The following SMCO2 variants were observed in gnomAD, a reference collection of about 807,000 sequenced individuals.
SMCO2 encodes the protein single-pass membrane and coiled-coil domain-containing protein 2.
SMCO2 carries 25 observed loss-of-function variants against 29.5 expected under a neutral mutation model. That is an observed-to-expected ratio of 0.85 (90% CI 0.62 to 1.18). The LOEUF (loss-of-function observed/expected upper bound fraction) is 1.18, where lower values mean the gene tolerates loss of function less well. Among genes scored for constraint, SMCO2 ranks in the 50% most tolerant of loss-of-function variants. The probability of loss-of-function intolerance (pLI) is 0.00; values close to 1 mark genes in which losing one functional copy is unlikely to be tolerated. For missense variants in SMCO2, 348 were observed against 344.5 expected, an observed-to-expected ratio of 1.01 and a Z score of -0.08; for synonymous variants, 117 against 123.3, an observed-to-expected ratio of 0.95 and a Z score of 0.34.
chr12:27,444,992 G>A, the SMCO2 span, among the ~76,000 whole-genome samples: 1 of 152,190 alleles, frequency 6.6e-6, no homozygotes, highest in East Asian at 1.9e-4. Flanking sequence ...TATACACAGT[G>A]GAGTATTATT....
chr12:27,468,500 A>G (rs1363013034), intron 1 of SMCO2, among the ~76,000 whole-genome samples: 1 of 152,258 alleles, frequency 6.6e-6, no homozygotes, highest in African/African-American at 2.4e-5. Context: ...CCGTTGCTCT[A>G]GAAAATTCTG....
chr12:27,487,388 C>T (rs961575607), intron 4 of SMCO2, among the ~76,000 whole-genome samples: 9 of 152,148 alleles, frequency 5.9e-5, no homozygotes, highest in Middle Eastern at 3.4e-3. Flanking sequence ...TCCAAATTTT[C>T]GCATGTATTG....
upstream of SMCO2, among the ~76,000 whole-genome samples, chr12:27,465,028 C>CAAAA (rs35630976): frequency 8.2e-3 from 480 of 58,204 alleles, 3 homozygotes; most frequent in African/African-American, 0.022. Context: ...GACCCTGTCT[C>CAAAA]AAAAAAAAAA....
the SMCO2 span, among the ~76,000 whole-genome samples, chr12:27,432,987 T>C: frequency 2.6e-5 from 4 of 152,216 alleles, no homozygotes; most frequent in Non-Finnish European, 5.9e-5. Flanking sequence ...GAAATAGTAT[T>C]ATTGAAGCAG....
chr12:27,466,525 C>T (rs1191601905), upstream of SMCO2, among the ~76,000 whole-genome samples: 1 of 152,168 alleles, frequency 6.6e-6, no homozygotes, highest in Non-Finnish European at 1.5e-5. Flanking sequence ...ATGTTCTGTT[C>T]AAGTGAGAGA....
upstream of SMCO2, among the ~76,000 whole-genome samples, chr12:27,466,081 C>A (rs114834292): frequency 4.8e-3 from 731 of 152,192 alleles, 6 homozygotes; most frequent in African/African-American, 0.017. Context: ...TCGAAGGAGA[C>A]GAGGTCACAG....
chr12:27,478,549 G>T (rs1036142425), intron 4 of SMCO2, among the ~76,000 whole-genome samples: 2 of 152,220 alleles, frequency 1.3e-5, no homozygotes, highest in African/African-American at 4.8e-5. Context: ...AGCAGTGATG[G>T]CAGTGAGCTG....
chr12:27,482,543 C>T (rs752109352), intron 4 of SMCO2, among the ~76,000 whole-genome samples: 1 of 152,068 alleles, frequency 6.6e-6, no homozygotes, highest in East Asian at 1.9e-4. Context: ...TCAGGTGATC[C>T]GCCCACATTG....
intron 1 of SMCO2, among the ~76,000 whole-genome samples, chr12:27,469,112 A>G (rs1268689804): frequency 1.3e-5 from 2 of 152,194 alleles, no homozygotes; most frequent in African/African-American, 4.8e-5. Context: ...TTTTTGGACC[A>G]TAAAAACAGT....
At chr12:27,474,982 T>A in intron 4 of SMCO2, 69 bp downstream of exon 4, 1 of 1,504,566 alleles carries the variant, frequency 6.6e-7, no homozygotes, top group East Asian at 2.5e-5. Context: ...TTTAAGCAGA[T>A]AACTTAGGGA....
the SMCO2 span, among the ~76,000 whole-genome samples, chr12:27,433,814 G>A: frequency 0.034 from 5,160 of 152,248 alleles, 133 homozygotes; most frequent in East Asian, 0.12. Context: ...GTTTTGGTGA[G>A]CATTTATTAT....
At chr12:27,473,586 A>G (rs746348028) in intron 3 of SMCO2, among the ~76,000 whole-genome samples, 2 of 152,104 alleles carry the variant, frequency 1.3e-5, no homozygotes, top group Non-Finnish European at 2.9e-5. Flanking sequence ...TTAACTCTCT[A>G]TACTCTATGA....
the SMCO2 span, among the ~76,000 whole-genome samples, chr12:27,426,838 A>G: frequency 1.3e-5 from 2 of 152,252 alleles, no homozygotes; most frequent in Admixed American, 6.5e-5. Flanking sequence ...GGGAAGACGT[A>G]TATCTACAGC....
chr12:27,446,150 C>T, the SMCO2 span, among the ~76,000 whole-genome samples: 1 of 152,146 alleles, frequency 6.6e-6, no homozygotes, highest in African/African-American at 2.4e-5. Flanking sequence ...AATCCACCCA[C>T]CTCAGCCTCC....
chr12:27,472,543 A>G (rs1431737017), intron 2 of SMCO2, among the ~76,000 whole-genome samples: 1 of 152,120 alleles, frequency 6.6e-6, no homozygotes, highest in Non-Finnish European at 1.5e-5. Context: ...TTGGAATCTC[A>G]CTGTTAATTT....
chr12:27,425,842 C>T, the SMCO2 span, among the ~76,000 whole-genome samples: 28 of 152,188 alleles, frequency 1.8e-4, no homozygotes, highest in Non-Finnish European at 3.2e-4. Flanking sequence ...CTGCAGATAA[C>T]CCTGTCCTCC....
chr12:27,452,169 A>G, the SMCO2 span, among the ~76,000 whole-genome samples: 1 of 152,206 alleles, frequency 6.6e-6, no homozygotes, highest in African/African-American at 2.4e-5. Context: ...GGAGTAAAGA[A>G]GGCTCACTTC....
chr12:27,468,977 G>A (rs1949519983), intron 1 of SMCO2, among the ~76,000 whole-genome samples: 1 of 152,174 alleles, frequency 6.6e-6, no homozygotes, highest in South Asian at 2.1e-4. Context: ...ATGTGTGGAG[G>A]CAGAATTTGG....
intron 5 of SMCO2, among the ~76,000 whole-genome samples, chr12:27,488,914 G>T (rs539236438): frequency 6.6e-6 from 1 of 152,266 alleles, no homozygotes; most frequent in East Asian, 1.9e-4. Flanking sequence ...GAGTGCAAGG[G>T]ATCTACCTGT....
Sources: allele counts gnomAD v4.1 joint callset (sites outside exome capture counted in the v4.1 genomes callset), GRCh38; gene constraint gnomAD v4.1.1; transcripts MANE v1.5; gene names NCBI Gene and HGNC (gene_info 2026-07-23, HGNC 2026-07-21).